LOC128092252: variants seen among roughly 807,000 people sequenced by gnomAD.
the LOC128092252 span, among the ~76,000 whole-genome samples, chr15:50,672,238 A>G: frequency 5.3e-5 from 8 of 152,048 alleles, no homozygotes; most frequent in Non-Finnish European, 1.0e-4. Context: ...TATTTTTAGT[A>G]GAGACATTTT....
At chr15:50,672,836 G>A in the LOC128092252 span, among the ~76,000 whole-genome samples, 1 of 140,684 alleles carries the variant, frequency 7.1e-6, no homozygotes, top group Admixed American at 7.9e-5. Context: ...CTTGAACCAG[G>A]GAAGCAGAGG....
At chr15:50,648,891 AG>A in the LOC128092252 span, 12 of 1,597,608 alleles carry the variant, frequency 7.5e-6, no homozygotes, top group South Asian at 1.4e-4. Context: ...AACACCTAAA[AG>A]AAAAAGGTGA....
chr15:50,676,251 A>C, the LOC128092252 span, among the ~76,000 whole-genome samples: 1 of 152,180 alleles, frequency 6.6e-6, no homozygotes, highest in African/African-American at 2.4e-5. Context: ...TTGGGGGAAA[A>C]AATTAAAGAT....
chr15:50,673,380 C>A, the LOC128092252 span, among the ~76,000 whole-genome samples: 55 of 152,250 alleles, frequency 3.6e-4, no homozygotes, highest in Admixed American at 2.8e-3. Context: ...CCGACCGGTA[C>A]ACACTGCACC....
At chr15:50,649,087 T>C in the LOC128092252 span, among the ~76,000 whole-genome samples, 1 of 152,146 alleles carries the variant, frequency 6.6e-6, no homozygotes, top group East Asian at 1.9e-4. Flanking sequence ...TAGTCTAAGA[T>C]GAATTCATCA....
chr15:50,668,261 A>G, the LOC128092252 span, among the ~76,000 whole-genome samples: 1 of 152,248 alleles, frequency 6.6e-6, no homozygotes. Context: ...GTTCACGTGT[A>G]TCAAACAGGA....
chr15:50,652,180 A>C, the LOC128092252 span, among the ~76,000 whole-genome samples: 1 of 151,244 alleles, frequency 6.6e-6, no homozygotes, highest in Non-Finnish European at 1.5e-5. Flanking sequence ...TAAAAATACA[A>C]AACTTCACCG....
At chr15:50,678,253 A>AC in the LOC128092252 span, among the ~76,000 whole-genome samples, 14 of 127,028 alleles carry the variant, frequency 1.1e-4, no homozygotes, top group East Asian at 1.2e-3. Context: ...AAAAAAAAAC[A>AC]AAAACAAAAA....
At chr15:50,666,385 G>A in the LOC128092252 span, among the ~76,000 whole-genome samples, 3,079 of 152,102 alleles carry the variant, frequency 0.02, 120 homozygotes, top group African/African-American at 0.071. Context: ...AGGCTGCAGC[G>A]AGCTGTGATC....
chr15:50,678,896 C>A, the LOC128092252 span, among the ~76,000 whole-genome samples: 1 of 152,136 alleles, frequency 6.6e-6, no homozygotes, highest in Admixed American at 6.6e-5. Flanking sequence ...TTTTTTGAGA[C>A]GAAGTCTCGC....
chr15:50,673,724 C>T, the LOC128092252 span, among the ~76,000 whole-genome samples: 1 of 151,942 alleles, frequency 6.6e-6, no homozygotes, highest in South Asian at 2.1e-4. Context: ...TTATGAATTA[C>T]GCTGCTATAA....
the LOC128092252 span, among the ~76,000 whole-genome samples, chr15:50,684,656 G>GA: frequency 2.3e-4 from 35 of 149,548 alleles, 1 homozygote; most frequent in Admixed American, 1.7e-3. Context: ...AAAGAAAAAA[G>GA]AAAAAAAAAT....
chr15:50,661,293 T>C, the LOC128092252 span, among the ~76,000 whole-genome samples: 1 of 152,138 alleles, frequency 6.6e-6, no homozygotes, highest in Non-Finnish European at 1.5e-5. Context: ...ACCATTCTTA[T>C]AAAATATCTG....
the LOC128092252 span, among the ~76,000 whole-genome samples, chr15:50,652,525 CAA>C: frequency 0.017 from 2,236 of 128,036 alleles, 55 homozygotes; most frequent in African/African-American, 0.06. Context: ...GACTCTGTCT[CAA>C]AAAAAAAAAA....
At chr15:50,666,096 G>GA in the LOC128092252 span, among the ~76,000 whole-genome samples, 2 of 152,056 alleles carry the variant, frequency 1.3e-5, no homozygotes, top group South Asian at 2.1e-4. Flanking sequence ...TAAAATTAAA[G>GA]AAAAAAATCA....
the LOC128092252 span, among the ~76,000 whole-genome samples, chr15:50,653,594 C>G: frequency 6.6e-6 from 1 of 152,182 alleles, no homozygotes; most frequent in Non-Finnish European, 1.5e-5. Flanking sequence ...ACCCCCATGA[C>G]TGCACCAGCT....
the LOC128092252 span, among the ~76,000 whole-genome samples, chr15:50,671,360 C>G: frequency 2.6e-5 from 4 of 152,122 alleles, no homozygotes; most frequent in African/African-American, 9.7e-5. Context: ...GTCCTCCAGG[C>G]CCATCCAGGT....
At chr15:50,679,501 G>GTATATATATTATA in the LOC128092252 span, among the ~76,000 whole-genome samples, 3 of 84,638 alleles carry the variant, frequency 3.5e-5, no homozygotes, top group African/African-American at 1.3e-4. Context: ...ATATATATGT[G>GTATATATATTATA]TATATATATA....
At chr15:50,673,648 A>G in the LOC128092252 span, among the ~76,000 whole-genome samples, 6 of 152,162 alleles carry the variant, frequency 3.9e-5, no homozygotes, top group African/African-American at 1.4e-4. Context: ...ATATATATAT[A>G]TACCACAGTT....
Sources: gnomAD v4.1 joint callset for allele counts (sites outside exome capture counted in the v4.1 genomes callset) on GRCh38, gnomAD v4.1.1 for gene constraint, MANE v1.5 for transcripts.